The following MTMR3 variants were observed in gnomAD, a reference collection of about 807,000 sequenced individuals.
The protein encoded by MTMR3 is myotubularin related protein 3.
A neutral mutation model predicts 132.4 loss-of-function variants in MTMR3; 32 were observed. That is an observed-to-expected ratio of 0.24 (90% CI 0.18 to 0.32). MTMR3 has a LOEUF of 0.32. Among genes scored for constraint, MTMR3 ranks in the 10% least tolerant of loss-of-function variants. The probability of loss-of-function intolerance (pLI) is 1.00; values close to 1 mark genes in which losing one functional copy is unlikely to be tolerated. For missense variants in MTMR3, 1,216 were observed against 1,489.6 expected, an observed-to-expected ratio of 0.82 and a Z score of 3.02; for synonymous variants, 556 against 550.3, an observed-to-expected ratio of 1.01 and a Z score of -0.14.
chr22:29,927,762 T>C (rs1445463454), intron 1 of MTMR3, among the ~76,000 whole-genome samples: 1 of 152,020 alleles, frequency 6.6e-6, no homozygotes, highest in African/African-American at 2.4e-5. Flanking sequence ...GGGAGGAAAA[T>C]GTATTATATT....
intron 2 of MTMR3, among the ~76,000 whole-genome samples, chr22:29,967,192 GTTGT>G (rs1569028369): frequency 3.2e-5 from 2 of 63,098 alleles, no homozygotes; most frequent in Non-Finnish European, 6.2e-5. Flanking sequence ...CTTCACCTCT[GTTGT>G]GTGTGTGTGT....
At chr22:29,949,206 C>T (rs563763677) in intron 1 of MTMR3, among the ~76,000 whole-genome samples, 2 of 143,128 alleles carry the variant, frequency 1.4e-5, no homozygotes, top group African/African-American at 5.2e-5. Context: ...CGTGCACGCG[C>T]GCCAGGCGTG....
At chr22:29,937,506 T>A (rs1163111992) in intron 1 of MTMR3, among the ~76,000 whole-genome samples, 1 of 151,860 alleles carries the variant, frequency 6.6e-6, no homozygotes, top group Non-Finnish European at 1.5e-5. Flanking sequence ...AGGCTTGAGC[T>A]CCTGGGGTTA....
chr22:29,889,907 C>T (rs371424064), intron 1 of MTMR3, among the ~76,000 whole-genome samples: 74 of 124,874 alleles, frequency 5.9e-4, no homozygotes, highest in Middle Eastern at 4.6e-3. Flanking sequence ...AGGATAAATT[C>T]TTTTTTTTTT....
chr22:29,955,333 G>GA (rs1018651150), intron 1 of MTMR3, among the ~76,000 whole-genome samples: 1 of 152,052 alleles, frequency 6.6e-6, no homozygotes, highest in African/African-American at 2.4e-5. Context: ...TAATAAAAAG[G>GA]AAAAATAAAA....
At chr22:30,010,839 C>G (rs1352642520) in intron 12 of MTMR3, 2 of 152,134 alleles carry the variant, frequency 1.3e-5, no homozygotes, top group Non-Finnish European at 2.9e-5. Context: ...AAATGTTTCT[C>G]AGGTACCTGC....
At chr22:29,952,479 A>G (rs1052639243) in intron 1 of MTMR3, among the ~76,000 whole-genome samples, 5 of 151,432 alleles carry the variant, frequency 3.3e-5, no homozygotes, top group Non-Finnish European at 7.4e-5. Context: ...TTTTATATTT[A>G]TATTTGTTTT....
rs1874645941 is a variant in MTMR3, at chr22:30,013,550, C to T, written c.1503+9C>T. 1 of 1,612,220 alleles carries T rather than the reference C, an allele frequency of 6.2e-7. No homozygotes were observed. On this transcript the variant is annotated intron_variant, in intron 14 of 19. Coordinates refer to ENST00000401950, the MANE Select transcript of MTMR3 (RefSeq NM_021090.4). The stretch of plus-strand genomic sequence containing the variant: ...TCAATGAAGCATTCCTTGTAAGTTT[C>T]TTCATTTTGGGGACTTTCTCAATTT...
In MTMR3 at chr22:30,029,131, A is replaced by T. The variant is rs537075941; in HGVS notation, c.*3330A>T. On this transcript the variant is annotated 3_prime_UTR_variant, in exon 20 of 20. Transcript: ENST00000401950. The stretch of plus-strand genomic sequence containing the variant: ...ATTGCCCTGAGGGAGGTGGCTGCAT[A>T]TGGAGAAAGGCAGTTCTCTGTGGGC... 1 of 152,410 alleles carries T rather than the reference A, an allele frequency of 6.6e-6. No homozygotes were observed. Among genetic ancestry groups the T allele is most frequent in the Non-Finnish European group, 1.5e-5 (1 of 68,072 alleles). 9.4% of individuals were successfully genotyped at this position (152,410 alleles called of 1,614,324 possible).
At chr22:29,943,629 G>A (rs1471805297) in intron 1 of MTMR3, among the ~76,000 whole-genome samples, 1 of 152,102 alleles carries the variant, frequency 6.6e-6, no homozygotes, top group Admixed American at 6.6e-5. Context: ...GAATTGGTAT[G>A]TTATGACTAT....
intron 1 of MTMR3, among the ~76,000 whole-genome samples, chr22:29,905,159 T>C (rs1302280312): frequency 6.6e-6 from 1 of 152,116 alleles, no homozygotes; most frequent in Non-Finnish European, 1.5e-5. Flanking sequence ...CTTGGTATAC[T>C]TGGGGGATGG....
At chr22:29,908,175 G>A (rs552486691) in intron 1 of MTMR3, among the ~76,000 whole-genome samples, 17 of 152,176 alleles carry the variant, frequency 1.1e-4, no homozygotes, top group Non-Finnish European at 2.2e-4. Context: ...GGGAGTAACC[G>A]TGGTGGAAGC....
chr22:29,968,949 A>G (rs1385813652), intron 2 of MTMR3, among the ~76,000 whole-genome samples: 5 of 152,156 alleles, frequency 3.3e-5, no homozygotes, highest in African/African-American at 1.2e-4. Context: ...CCTCTAAAAA[A>G]TGGTGCACCC....
chr22:30,008,829 G>T (rs574373535), intron 11 of MTMR3, 189 bp from the exon 12 acceptor site: 34 of 456,588 alleles, frequency 7.4e-5, no homozygotes, highest in African/African-American at 6.3e-4. Flanking sequence ...TTTTTGAAAA[G>T]ATAGCTAAAA....
intron 19 of MTMR3, chr22:30,023,488 G>C: frequency 6.2e-7 from 1 of 1,614,092 alleles, no homozygotes; most frequent in Non-Finnish European, 8.5e-7. Flanking sequence ...AACGTGGTGA[G>C]CATTTGCAAC....
intron 5 of MTMR3, chr22:29,986,597 A>C: frequency 1.0e-6 from 1 of 984,184 alleles, no homozygotes. Context: ...AAGGACGTAA[A>C]TAAAAACAGA....
intron 1 of MTMR3, among the ~76,000 whole-genome samples, chr22:29,946,847 C>A (rs933599147): frequency 6.6e-6 from 1 of 151,722 alleles, no homozygotes; most frequent in Non-Finnish European, 1.5e-5. Flanking sequence ...TGCTCAGTAG[C>A]GCAAATATAG....
At chr22:29,970,603 G>C (rs1338510842) in intron 2 of MTMR3, among the ~76,000 whole-genome samples, 1 of 147,936 alleles carries the variant, frequency 6.8e-6, no homozygotes, top group Non-Finnish European at 1.5e-5. Context: ...CTTCGAAAGT[G>C]CTGGGATTAT....
At chr22:29,911,834 A>G (rs2065219068) in intron 1 of MTMR3, among the ~76,000 whole-genome samples, 1 of 152,164 alleles carries the variant, frequency 6.6e-6, no homozygotes, top group Admixed American at 6.5e-5. Context: ...TATAGAATTA[A>G]TCAGTATTCC....
Sources: allele counts gnomAD v4.1 joint callset (sites outside exome capture counted in the v4.1 genomes callset), GRCh38; gene constraint gnomAD v4.1.1; transcripts MANE v1.5; gene names NCBI Gene and HGNC (gene_info 2026-07-23, HGNC 2026-07-21).